The following RYR2 variants were observed in gnomAD, a reference collection of about 807,000 sequenced individuals.
The protein encoded by RYR2 is cardiac muscle ryanodine receptor-calcium release channel.
RYR2 carries 227 observed loss-of-function variants against 601.1 expected under a neutral mutation model. That is an observed-to-expected ratio of 0.38 (90% CI 0.34 to 0.42). RYR2 has a LOEUF of 0.42. RYR2 is among the 10% of genes least tolerant of loss of function. The pLI is 1.00. For missense variants in RYR2, 4,646 were observed against 6,156.5 expected (o/e 0.75, Z 8.21); for synonymous variants, 2,223 against 2,175.1 (o/e 1.02, Z -0.61).
intron 29 of RYR2, among the ~76,000 whole-genome samples, chr1:237,580,741 GA>G (rs1213412650): frequency 6.6e-6 from 1 of 152,174 alleles, no homozygotes; most frequent in Non-Finnish European, 1.5e-5. Flanking sequence ...CAGGTTAAAT[GA>G]GGTAATAGTG....
At chr1:237,171,377 T>C (rs1356974683) in intron 1 of RYR2, among the ~76,000 whole-genome samples, 2 of 152,170 alleles carry the variant, frequency 1.3e-5, no homozygotes, top group Non-Finnish European at 2.9e-5. Context: ...GTAGAGGACT[T>C]TCTCATTCTA....
chr1:237,659,998 G>T lies in RYR2; in HGVS notation c.8222G>T (p.Trp2741Leu). The T allele has an allele frequency of 6.3e-7, 1 of 1,581,026 alleles. No individual in the cohort carries two copies. Among genetic ancestry groups the T allele is most frequent in the Non-Finnish European group, 8.6e-7 (1 of 1,167,964 alleles). Residue 2741 changes from tryptophan to leucine, a missense_variant, in exon 55 of 105, where the codon TGG becomes TTG. Coordinates refer to ENST00000366574, the MANE Select transcript of RYR2 (RefSeq NM_001035.3). ...CCTTTTTTTAAGTTGGCAAATGGAT[G>T]GATTTATGGAGAAATATATTCAGAC... Reference protein sequence around the residue: ...KWSMDKLANGWIYGEIYSDSS... With the variant: ...KWSMDKLANGLIYGEIYSDSS...
chr1:237,300,558 G>T (rs1269433470), intron 2 of RYR2, among the ~76,000 whole-genome samples: 1 of 152,168 alleles, frequency 6.6e-6, no homozygotes, highest in Non-Finnish European at 1.5e-5. Flanking sequence ...CTGCTCCAGT[G>T]ATAAACTTTT....
chr1:237,563,587 G>A (rs1452030474), intron 27 of RYR2, among the ~76,000 whole-genome samples: 3 of 151,928 alleles, frequency 2.0e-5, no homozygotes, highest in Non-Finnish European at 2.9e-5. Flanking sequence ...TTAGGGCCAG[G>A]AAGAAGAATA....
intron 38 of RYR2, among the ~76,000 whole-genome samples, chr1:237,622,310 A>G (rs1679159686): frequency 2.0e-5 from 3 of 152,224 alleles, no homozygotes; most frequent in Admixed American, 2.0e-4. Flanking sequence ...AAGATTAACC[A>G]TGCCGAATAT....
At chr1:237,423,293 C>A in intron 12 of RYR2, 45 bp downstream of exon 12, 2 of 1,577,490 alleles carry the variant, frequency 1.3e-6, no homozygotes, top group South Asian at 2.3e-5. Flanking sequence ...GTTACCCGGT[C>A]ATATTTCCTT....
At chr1:237,252,764 A>T (rs886640177) in intron 1 of RYR2, among the ~76,000 whole-genome samples, 4 of 152,184 alleles carry the variant, frequency 2.6e-5, no homozygotes, top group African/African-American at 9.7e-5. Flanking sequence ...TTGCAATCCC[A>T]GTGACTAGTA....
intron 13 of RYR2, among the ~76,000 whole-genome samples, chr1:237,441,854 C>A (rs908552290): frequency 6.6e-6 from 1 of 151,156 alleles, no homozygotes; most frequent in South Asian, 2.1e-4. Context: ...AGCCAACAAG[C>A]CAGAAATTAA....
intron 34 of RYR2, among the ~76,000 whole-genome samples, chr1:237,600,832 A>T (rs1676423361): frequency 6.6e-6 from 1 of 152,236 alleles, no homozygotes; most frequent in Admixed American, 6.5e-5. Flanking sequence ...GCCAACAGAC[A>T]TATGAAAACA....
chr1:237,716,348 TA>T (rs1346368574), intron 71 of RYR2, among the ~76,000 whole-genome samples: 1 of 152,100 alleles, frequency 6.6e-6, no homozygotes, highest in Non-Finnish European at 1.5e-5. Context: ...AATATTAAAA[TA>T]TTTTTCATTA....
intron 67 of RYR2, 108 bp downstream of exon 67, chr1:237,705,451 A>G (rs1688292191): frequency 1.5e-5 from 13 of 883,834 alleles, no homozygotes; most frequent in Non-Finnish European, 2.0e-5. Context: ...ACTATATCCA[A>G]TCTTGTTTGT....
At chr1:237,707,298 CT>C in intron 68 of RYR2, 29 bp downstream of exon 68, 1 of 1,161,336 alleles carries the variant, frequency 8.6e-7, no homozygotes, top group Non-Finnish European at 1.1e-6. Flanking sequence ...CATTGTACCC[CT>C]GAAATCTGTT....
chr1:237,569,408 AGG>A (rs1672431246), intron 29 of RYR2, 89 bp downstream of exon 29: 2 of 1,260,396 alleles, frequency 1.6e-6, no homozygotes, highest in Non-Finnish European at 2.2e-6. Flanking sequence ...TTTCTGTTTC[AGG>A]GTGAGTGAGC....
At chr1:237,581,896 C>A (rs1176974166) in intron 29 of RYR2, among the ~76,000 whole-genome samples, 3 of 152,138 alleles carry the variant, frequency 2.0e-5, no homozygotes, top group Non-Finnish European at 4.4e-5. Flanking sequence ...GCAGAGGAAT[C>A]CAAGTACAAC....
At chr1:237,264,765 G>A (rs1026442443) in intron 1 of RYR2, among the ~76,000 whole-genome samples, 6 of 150,808 alleles carry the variant, frequency 4.0e-5, no homozygotes, top group Non-Finnish European at 5.9e-5. Context: ...GCGTGATCTC[G>A]GCTCACTGCA....
intron 25 of RYR2, among the ~76,000 whole-genome samples, chr1:237,545,856 TGAA>T (rs1369214099): frequency 1.3e-5 from 2 of 151,776 alleles, no homozygotes; most frequent in Non-Finnish European, 2.9e-5. Context: ...GGCCAGGGGT[TGAA>T]GAGCGGCCTG....
chr1:237,780,463 T>C (rs903603677), intron 88 of RYR2, among the ~76,000 whole-genome samples: 1 of 152,156 alleles, frequency 6.6e-6, no homozygotes, highest in Non-Finnish European at 1.5e-5. Flanking sequence ...AAACGTCTCA[T>C]CTTCCCAACA....
rs552706467 is a variant in RYR2, at chr1:237,586,117, T to TA, written c.3599-3672dup. 1.4e-4 allele frequency among the ~76,000 whole-genome samples: 21 copies of TA among 152,340 alleles called. No homozygotes were observed. The South Asian group carries it at 4.3e-3, about 32-fold the overall frequency. ...TTTAAACATACTTTTTTGGTTTTTT[T>TA]AAAATCAACTTTTTGTTTTGAGGAA... On this transcript the variant is annotated intron_variant, in intron 29 of 104. Coordinates refer to ENST00000366574, the MANE Select transcript of RYR2 (RefSeq NM_001035.3).
At chr1:237,571,709 C>A (rs1345854227) in intron 29 of RYR2, among the ~76,000 whole-genome samples, 1 of 152,174 alleles carries the variant, frequency 6.6e-6, no homozygotes, top group Non-Finnish European at 1.5e-5. Context: ...ATTTAGCTAG[C>A]TTTTGAGCAG....
Sources: gnomAD v4.1 joint callset for allele counts (sites outside exome capture counted in the v4.1 genomes callset) on GRCh38, gnomAD v4.1.1 for gene constraint, MANE v1.5 for transcripts, NCBI Gene and HGNC (gene_info 2026-07-23, HGNC 2026-07-21) for gene names.